Variants in ORC5 observed in about 807,000 individuals in gnomAD.
The protein encoded by ORC5 is origin recognition complex subunit 5, also known as protein phosphatase 1, regulatory subunit 117.
In ORC5, 39 loss-of-function variants were observed where a neutral mutation model predicts 58.8. The observed-to-expected ratio is 0.66, with a 90% CI of 0.51 to 0.87. The LOEUF is 0.87. Ranked by LOEUF, ORC5 falls within the 40% of genes least tolerant of loss-of-function variation. The pLI is 0.00. For synonymous variants in ORC5, 218 were observed against 177.6 expected (o/e 1.23, Z -1.81); for missense variants, 493 against 506.3 (o/e 0.97, Z 0.25).
chr7:104,188,286 T>C lies in ORC5; in HGVS notation c.649A>G (p.Thr217Ala). Residue 217 changes from threonine (T) to alanine (A), a missense_variant, in exon 6 of 14, where the codon ACT (threonine) becomes GCT (alanine). Physicochemically the swap from Thr to Ala is moderately conservative, Grantham distance 58 (BLOSUM62 0). Coordinates refer to ENST00000297431, the MANE Select transcript of ORC5 (RefSeq NM_002553.4). ...AGCTCTTTCAAATCTCGACAAACAG[T>C]GTAGAAAACTCCAAGAAGAATGTTA... ...YINILLGVFY[T>A]VCRDLKELRH... 1.2e-6 allele frequency: 2 copies of C among 1,613,006 alleles called. No homozygotes were observed. The highest frequency in any genetic ancestry group is 1.7e-6 in the Non-Finnish European group (2 of 1,179,452).
chr7:104,200,430 A>G (rs531063130), intron 3 of ORC5, among the ~76,000 whole-genome samples: 16 of 152,130 alleles, frequency 1.1e-4, no homozygotes, highest in Non-Finnish European at 1.9e-4. Context: ...CCTCTACTTC[A>G]ATTTCTTCCT....
chr7:104,137,154 G>A (rs1247462109), intron 12 of ORC5, among the ~76,000 whole-genome samples: 6 of 149,484 alleles, frequency 4.0e-5, no homozygotes, highest in Non-Finnish European at 7.4e-5. Flanking sequence ...CCAGGCTAGA[G>A]TGGCATGGCT....
chr7:104,158,371 C>T (rs1290868170), intron 12 of ORC5, among the ~76,000 whole-genome samples: 3 of 151,926 alleles, frequency 2.0e-5, no homozygotes, highest in East Asian at 1.9e-4. Context: ...ACCATAAAAA[C>T]CCTAGAAGAA....
intron 4 of ORC5, among the ~76,000 whole-genome samples, chr7:104,197,146 C>A (rs1329713987): frequency 2.0e-5 from 3 of 152,080 alleles, no homozygotes; most frequent in Non-Finnish European, 4.4e-5. Flanking sequence ...ATAATGAAAC[C>A]AATTTTTTTT....
At chr7:104,153,829 C>G (rs1013995923) in intron 12 of ORC5, among the ~76,000 whole-genome samples, 1 of 151,982 alleles carries the variant, frequency 6.6e-6, no homozygotes, top group African/African-American at 2.4e-5. Flanking sequence ...CTACAAAATT[C>G]AAATTGTTAC....
chr7:104,160,978 G>A (rs1432826248), intron 12 of ORC5, 94 bp downstream of exon 12: 2 of 752,128 alleles, frequency 2.7e-6, no homozygotes, highest in African/African-American at 3.5e-5. Flanking sequence ...AGTAACATAT[G>A]TTGAACAAAA....
intron 2 of ORC5, among the ~76,000 whole-genome samples, chr7:104,201,550 A>C (rs891259422): frequency 1.3e-4 from 19 of 151,664 alleles, no homozygotes; most frequent in African/African-American, 4.4e-4. Flanking sequence ...GGCATGGTGG[A>C]TCATGTCTGT....
At chr7:104,158,902 A>T (rs1299904284) in intron 12 of ORC5, among the ~76,000 whole-genome samples, 6 of 151,444 alleles carry the variant, frequency 4.0e-5, no homozygotes, top group Middle Eastern at 3.4e-3. Flanking sequence ...AGTTCAACCA[A>T]TGTGGAAGTC....
intron 1 of ORC5, among the ~76,000 whole-genome samples, chr7:104,205,439 C>A (rs1250231929): frequency 6.6e-6 from 1 of 152,062 alleles, no homozygotes; most frequent in Non-Finnish European, 1.5e-5. Flanking sequence ...TGGGATTATG[C>A]AATTTCTATC....
At chr7:104,140,016 A>G (rs1798648108) in intron 12 of ORC5, among the ~76,000 whole-genome samples, 1 of 152,068 alleles carries the variant, frequency 6.6e-6, no homozygotes, top group South Asian at 2.1e-4. Flanking sequence ...CCTTTTCATT[A>G]TAATAACCCT....
chr7:104,142,253 G>A (rs1798685385), intron 12 of ORC5, among the ~76,000 whole-genome samples: 2 of 151,988 alleles, frequency 1.3e-5, no homozygotes, highest in South Asian at 2.1e-4. Context: ...ATGGACTAAC[G>A]ACTTAAATGT....
intron 1 of ORC5, among the ~76,000 whole-genome samples, chr7:104,205,881 C>T (rs1175764082): frequency 1.2e-4 from 19 of 152,174 alleles, no homozygotes; most frequent in Admixed American, 1.2e-3. Flanking sequence ...TGGAGGCAAA[C>T]ACCTGTGGTC....
chr7:104,179,767 G>C (rs1799397507), intron 8 of ORC5, among the ~76,000 whole-genome samples: 1 of 151,846 alleles, frequency 6.6e-6, no homozygotes, highest in African/African-American at 2.4e-5. Context: ...TCCTCTTAAA[G>C]CTTCTCAGAC....
chr7:104,131,657 GC>G (rs1798513763), intron 13 of ORC5, among the ~76,000 whole-genome samples: 1 of 152,046 alleles, frequency 6.6e-6, no homozygotes. Context: ...TTTGAGACAA[GC>G]CTGGCCAACA....
intron 8 of ORC5, among the ~76,000 whole-genome samples, chr7:104,171,482 G>C (rs191676904): frequency 8.5e-5 from 13 of 152,286 alleles, no homozygotes; most frequent in African/African-American, 2.6e-4. Context: ...ATTATGAAAA[G>C]GAGGGATTAG....
intron 10 of ORC5, among the ~76,000 whole-genome samples, chr7:104,166,483 C>T (rs1799110298): frequency 6.6e-6 from 1 of 152,160 alleles, no homozygotes; most frequent in Non-Finnish European, 1.5e-5. Flanking sequence ...AGAGTTACCG[C>T]TCTTAAAATT....
chr7:104,189,213 A>G (rs1799617802), intron 5 of ORC5, among the ~76,000 whole-genome samples: 1 of 152,054 alleles, frequency 6.6e-6, no homozygotes, highest in African/African-American at 2.4e-5. Context: ...CAAAGAAAAG[A>G]GGTTTAATTG....
At chr7:104,183,198 A>T (rs1005715167) in intron 8 of ORC5, among the ~76,000 whole-genome samples, 7 of 151,998 alleles carry the variant, frequency 4.6e-5, no homozygotes, top group African/African-American at 1.5e-4. Flanking sequence ...GCACTTTGCA[A>T]TGATAGCCAA....
chr7:104,167,127 G>A (rs564641285), intron 9 of ORC5, among the ~76,000 whole-genome samples: 4 of 152,010 alleles, frequency 2.6e-5, no homozygotes, highest in South Asian at 2.1e-4. Context: ...AATCCTACTC[G>A]TTCTTCTCTT....
Sources: allele counts gnomAD v4.1 joint callset (sites outside exome capture counted in the v4.1 genomes callset), GRCh38; gene constraint gnomAD v4.1.1; transcripts MANE v1.5; gene names NCBI Gene and HGNC (gene_info 2026-07-23, HGNC 2026-07-21).